TSSK4: variants seen among roughly 807,000 people sequenced by gnomAD.
TSSK4 encodes the protein testis-specific serine/threonine-protein kinase 4.
In TSSK4, 22 loss-of-function variants were observed where a neutral mutation model predicts 28.5. The observed-to-expected ratio is 0.77, with a 90% confidence interval of 0.55 to 1.10. The LOEUF is 1.10. Ranked by LOEUF, TSSK4 falls within the 50% of genes least tolerant of loss-of-function variation. The pLI is 0.00. For synonymous variants in TSSK4, 151 were observed against 158.3 expected, an observed-to-expected ratio of 0.95 and a Z score of 0.35; for missense variants, 329 against 415.4, an observed-to-expected ratio of 0.79 and a Z score of 1.81.
Position 24,205,859 on chromosome 14 carries a change from G to T in TSSK4, c.-65G>T. 5 of 1,272,794 alleles carry T rather than the reference G, an allele frequency of 3.9e-6. No individual in the cohort carries two copies. Among genetic ancestry groups the T allele is most frequent in the Non-Finnish European group, 4.6e-6 (4 of 872,726 alleles). 78.8% of individuals were successfully genotyped at this position (1,272,794 alleles called of 1,614,324 possible). ...ATACCCTAGCCTTCAGCAGCTCAAGGTGTTGGCCTTTGGATAGGAGGCTTC... is the reference window on the plus strand; with the variant it reads ...ATACCCTAGCCTTCAGCAGCTCAAGTTGTTGGCCTTTGGATAGGAGGCTTC... On this transcript the variant is annotated 5_prime_UTR_variant, in exon 1 of 4. Transcript: ENST00000339917.
Position 24,207,162 on chromosome 14 carries a change from A to C in TSSK4, c.487A>C (p.Asn163His), listed in dbSNP as rs141999894. The C allele has an allele frequency of 1.3e-5, 21 of 1,612,750 alleles. No individual in the cohort carries two copies. In the African/African-American group the frequency reaches 1.9e-4, roughly 14 times the overall value. ...TGCTGGTAGGGACTTAAAGTTGGAG[A>C]ACCTGTTGCTGGACAAGTGGGAGAA... ...SAAGRDLKLE[N>H]LLLDKWENVK... The change falls in exon 3 of 4, where the codon AAC (asparagine) becomes CAC (histidine). Residue 163 changes from asparagine to histidine, a missense_variant. Around this residue, in one of 3 missense-constraint regions of TSSK4, gnomAD observed 15 missense variants for 41.2 expected, o/e 0.36. Transcript: ENST00000339917.
At chr14:24,206,239 A>G in intron 1 of TSSK4, 91 bp downstream of exon 1, 2 of 1,223,404 alleles carry the variant, frequency 1.6e-6, no homozygotes, top group Admixed American at 1.9e-5. Context: ...GGGTGGGGCC[A>G]GAAACCCCTA....
In TSSK4 at chr14:24,206,119, C is replaced by T; in HGVS notation, c.196C>T (p.Leu66Phe). 1 of 1,614,112 alleles carries T rather than the reference C, an allele frequency of 6.2e-7. No homozygotes were observed. The highest frequency in any genetic ancestry group is 2.2e-5 in the East Asian group (1 of 44,874). The change falls in exon 1 of 4, where the codon CTT becomes TTT. Residue 66 changes from leucine to phenylalanine, a missense_variant. Leu to Phe is a conservative substitution (Grantham distance 22, BLOSUM62 0). This residue lies in a region of TSSK4 where 175 missense variants were observed against 196.0 expected (regional missense o/e 0.89). Coordinates refer to ENST00000339917, the MANE Select transcript of TSSK4 (RefSeq NM_001184739.2). ...ISKKKASDDY[L>F]NKFLPREIQV... is the part of the protein sequence containing the mutation. ...AAAGAAGAAGGCCTCTGATGACTAT[C>T]TTAACAAGTTCCTGCCCCGTGAAAT...
At position 24,206,604 on chromosome 14, in the gene TSSK4, TGGTGATGTCCTTGAATGGATCCAGCG is replaced by T. The variant is rs753061927; in HGVS notation, c.322_347del (p.Gly108LeufsTer6). On this transcript the variant is annotated frameshift_variant, in exon 2 of 4. Coordinates refer to ENST00000339917, the MANE Select transcript of TSSK4 (RefSeq NM_001184739.2). LOFTEE classifies it high-confidence loss of function. ...ACATCATTCTGGAACTGGCTCAGGG[TGGTGATGTCCTTGAATGGATCCAGCG>T]CTACGGGGCCTGCTCTGAGCCCCTT... 1.9e-6 allele frequency: 3 copies of T among 1,614,048 alleles called. No homozygotes were observed. The African/African-American group carries it at 4.0e-5, about 22-fold the overall frequency.
chr14:24,207,626 C>A, intron 3 of TSSK4, 117 bp downstream of exon 3: 2 of 1,211,378 alleles, frequency 1.7e-6, no homozygotes, highest in Non-Finnish European at 2.3e-6. Context: ...TCTTCCCACA[C>A]CAGAGCCATC....
Position 24,205,941 on chromosome 14 carries a change from C to T in TSSK4, c.18C>T (p.Val6=). ...CCAACACCATGGGGAAGGGAGATGT[C>T]TTAGAGGCAGCACCAACCACCACAG... MGKGD[V]LEAAPTTTAY... Residue 6 remains valine, a synonymous_variant, in exon 1 of 4, where the codon GTC becomes GTT. Transcript: ENST00000339917. 6.2e-7 allele frequency: 1 copy of T among 1,613,958 alleles called. No homozygotes were observed. The highest frequency in any genetic ancestry group is 8.5e-7 in the Non-Finnish European group (1 of 1,180,034).
At chr14:24,206,473 C>G (rs1594464149) in intron 1 of TSSK4, 36 bp from the exon 2 acceptor site, 1 of 1,610,036 alleles carries the variant, frequency 6.2e-7, no homozygotes, top group East Asian at 2.2e-5. Flanking sequence ...AGGGTTCTCC[C>G]TTCCCAGGTT....
rs776821940 is a variant in TSSK4 at position 24,206,025 on chromosome 14, C to T, written c.102C>T (p.Gly34=). The T allele has an allele frequency of 3.1e-6, 5 of 1,614,164 alleles. No homozygotes were observed. In the South Asian group the frequency reaches 5.5e-5, roughly 18 times the overall value. The change falls in exon 1 of 4, where the codon GGC becomes GGT. Residue 34 remains glycine (G), a synonymous_variant. Coordinates refer to ENST00000339917, the MANE Select transcript of TSSK4 (RefSeq NM_001184739.2). ...GYEVGKAIGH[G]SYGSVYEAFY... Reference sequence around the variant, plus strand: ...AGGTGGGCAAGGCCATTGGCCATGGCTCCTATGGGTCGGTATATGAGGCTT... The same window carrying T: ...AGGTGGGCAAGGCCATTGGCCATGGTTCCTATGGGTCGGTATATGAGGCTT...
chr14:24,207,943 CCT>C lies in TSSK4; in HGVS notation c.835-13_835-12del. ...ACAATGGAGAAAAACTCAGGCAAGA[CCT>C]CTCTCTCCCCTGCTCTAGAACCTGA... On this transcript the variant is annotated intron_variant, in intron 3 of 3. Coordinates refer to ENST00000339917, the MANE Select transcript of TSSK4 (RefSeq NM_001184739.2). 1 of 1,613,986 alleles carries C rather than the reference CCT, an allele frequency of 6.2e-7. No homozygotes were observed. Among genetic ancestry groups the C allele is most frequent in the Non-Finnish European group, 8.5e-7 (1 of 1,179,930 alleles).
chr14:24,205,817 G>T lies in TSSK4; in HGVS notation c.-107G>T. ...TGTGACTATATAGGCAAGCATTTGG[G>T]GACCTACTTCACTTTGATACCCTAG... On this transcript the variant is annotated 5_prime_UTR_variant, in exon 1 of 4. Transcript: ENST00000339917. 1.3e-6 allele frequency: 1 copy of T among 781,932 alleles called. No individual in the cohort carries two copies. The highest frequency in any genetic ancestry group is 2.2e-5 in the Admixed American group (1 of 46,384). The allele number at this position is 781,932 out of a possible 1,614,324, so 48.4% of individuals were successfully genotyped here.
At chr14:24,206,179 A>G (rs1222354856) in intron 1 of TSSK4, 31 bp downstream of exon 1, 1 of 1,603,388 alleles carries the variant, frequency 6.2e-7, no homozygotes, top group Non-Finnish European at 8.5e-7. Context: ...AGGGAACTGG[A>G]GCTTGGTACT....
rs756752879 is a variant in TSSK4 at position 24,208,101 on chromosome 14, C to T, written c.972C>T (p.Leu324=). Reference sequence around the variant, plus strand: ...GGCTGCTTGAGGCCATGTGCCAGCTCCACAACACCACTAAACAGCACCAAT... The same window carrying T: ...GGCTGCTTGAGGCCATGTGCCAGCTTCACAACACCACTAAACAGCACCAAT... The part of the protein sequence containing the change: ...EIRLLEAMCQ[L]HNTTKQHQSL... The change falls in exon 4 of 4, where the codon CTC becomes CTT. Residue 324 remains leucine (L), a synonymous_variant. Transcript: ENST00000339917. 6.2e-7 allele frequency: 1 copy of T among 1,613,834 alleles called. No homozygotes were observed. Among genetic ancestry groups the T allele is most frequent in the African/African-American group, 1.3e-5 (1 of 74,840 alleles).
chr14:24,206,548 T>A lies in TSSK4; in HGVS notation c.265T>A (p.Tyr89Asn). 6.2e-7 allele frequency: 1 copy of A among 1,614,244 alleles called. No individual in the cohort carries two copies. The highest frequency in any genetic ancestry group is 8.5e-7 in the Non-Finnish European group (1 of 1,180,044). The stretch of plus-strand genomic sequence containing the variant: ...GCGGCACAAGTACCTCATCAACTTC[T>A]ATCGGGCCATTGAGAGCACATCTCG... Reference protein sequence around the residue: ...VLRHKYLINFYRAIESTSRVY... With the variant: ...VLRHKYLINFNRAIESTSRVY... The change falls in exon 2 of 4, where the codon TAT (tyrosine) becomes AAT (asparagine). Residue 89 changes from tyrosine to asparagine, a missense_variant. By Grantham distance (143) the Tyr-to-Asn change is moderately radical. This residue lies in a region of TSSK4 where 175 missense variants were observed against 196.0 expected (regional missense o/e 0.89). Coordinates refer to ENST00000339917, the MANE Select transcript of TSSK4 (RefSeq NM_001184739.2).
rs374020410 is a variant in TSSK4 at position 24,207,514 on chromosome 14, T to C, written c.834+5T>C. On this transcript the variant is annotated splice_donor_5th_base_variant and intron_variant, in intron 3 of 3. Transcript: ENST00000339917. Reference sequence around the variant, plus strand: ...ACCATCTCCCAGGAGTGCAAGGTACTGGCTACCTAAGGAGGGCTGAGCCTT... The same window carrying C: ...ACCATCTCCCAGGAGTGCAAGGTACCGGCTACCTAAGGAGGGCTGAGCCTT... 2 of 1,596,354 alleles carry C rather than the reference T, an allele frequency of 1.3e-6. No individual in the cohort carries two copies. The highest frequency in any genetic ancestry group is 8.5e-7 in the Non-Finnish European group (1 of 1,171,354).
intron 3 of TSSK4, 131 bp downstream of exon 3, chr14:24,207,640 C>A: frequency 9.1e-7 from 1 of 1,101,120 alleles, no homozygotes; most frequent in Non-Finnish European, 1.3e-6. Context: ...AGCCATCTCA[C>A]ACACTAGCTC....
At chr14:24,207,607 G>C in intron 3 of TSSK4, 98 bp downstream of exon 3, 1 of 1,379,426 alleles carries the variant, frequency 7.2e-7, no homozygotes, top group Non-Finnish European at 9.8e-7. Flanking sequence ...CCCAACCCTG[G>C]GGAAAGGCTC....
chr14:24,205,870 T>C lies in TSSK4; in HGVS notation c.-54T>C, dbSNP rs2039507426. On this transcript the variant is annotated 5_prime_UTR_variant, in exon 1 of 4. Transcript: ENST00000339917. Reference sequence around the variant, plus strand: ...TTCAGCAGCTCAAGGTGTTGGCCTTTGGATAGGAGGCTTCCAAGTAGTAAA... The same window carrying C: ...TTCAGCAGCTCAAGGTGTTGGCCTTCGGATAGGAGGCTTCCAAGTAGTAAA... The C allele has an allele frequency of 6.9e-7, 1 of 1,452,040 alleles. No individual in the cohort carries two copies. Among genetic ancestry groups the C allele is most frequent in the Non-Finnish European group, 9.7e-7 (1 of 1,034,938 alleles). 89.9% of individuals were successfully genotyped at this position (1,452,040 alleles called of 1,614,324 possible).
intron 2 of TSSK4, 155 bp downstream of exon 2, chr14:24,206,878 A>G (rs2138853818): frequency 9.9e-7 from 1 of 1,007,758 alleles, no homozygotes; most frequent in Non-Finnish European, 1.5e-6. Context: ...GGATACTGAT[A>G]AAGTACTCAC....
intron 2 of TSSK4, 74 bp downstream of exon 2, chr14:24,206,797 T>C: frequency 6.6e-7 from 1 of 1,511,482 alleles, no homozygotes; most frequent in Admixed American, 1.9e-5. Context: ...TTTCCTGTCC[T>C]TTTTTCCTCT....
Sources: allele counts gnomAD v4.1 joint callset, GRCh38; gene constraint gnomAD v4.1.1; regional missense constraint gnomAD v4.1.1; transcripts MANE v1.5; gene names NCBI Gene and HGNC (gene_info 2026-07-23, HGNC 2026-07-21).